OSBPL10: variants seen among roughly 807,000 people sequenced by gnomAD.
OSBPL10 encodes oxysterol-binding protein-related protein 10.
A neutral mutation model predicts 81.7 loss-of-function variants in OSBPL10; 49 were observed. The ratio of observed to expected loss-of-function variants is 0.60; its 90% CI spans 0.48 to 0.76. OSBPL10 has a LOEUF of 0.76. Among genes scored for constraint, OSBPL10 ranks in the 30% least tolerant of loss-of-function variants. OSBPL10 has a pLI of 0.00. For missense variants in OSBPL10, 923 were observed against 987.8 expected (o/e 0.93, Z 0.88); for synonymous variants, 419 against 383.6 (o/e 1.09, Z -1.08).
chr3:31,919,329 T>C (rs1288057061), intron 1 of OSBPL10: 2 of 152,216 alleles, frequency 1.3e-5, no homozygotes, highest in African/African-American at 4.8e-5. Context: ...CTATGACTTA[T>C]TTATTGCAAG....
chr3:31,748,051 G>C lies in OSBPL10; in HGVS notation c.799C>G (p.Pro267Ala), dbSNP rs755199647. Reference sequence around the variant, plus strand: ...AGGTCCTGGTCCAAGGCAGTGAGGGGGCCGGACCCTGGCAGGGACTCAATG... The same window carrying C: ...AGGTCCTGGTCCAAGGCAGTGAGGGCGCCGGACCCTGGCAGGGACTCAATG... ...HAIESLPGSG[P>A]LTALDQDLLL... is the part of the protein sequence containing the mutation. The change falls in exon 5 of 12, where the codon CCC becomes GCC. Residue 267 changes from proline (P) to alanine (A), a missense_variant. Coordinates refer to ENST00000396556, the MANE Select transcript of OSBPL10 (RefSeq NM_017784.5). The C allele has an allele frequency of 1.4e-5, 23 of 1,614,042 alleles. No individual in the cohort carries two copies. The highest frequency in any genetic ancestry group is 1.9e-5 in the Non-Finnish European group (23 of 1,180,034).
intron 6 of OSBPL10, among the ~76,000 whole-genome samples, chr3:31,705,693 G>A (rs1004213166): frequency 3.3e-5 from 5 of 152,120 alleles, no homozygotes; most frequent in Non-Finnish European, 5.9e-5. Flanking sequence ...TCAGGTCCCC[G>A]TGCTTATCCA....
At chr3:31,735,331 A>T (rs4563437) in intron 5 of OSBPL10, among the ~76,000 whole-genome samples, 63,016 of 151,746 alleles carry the variant, frequency 0.42, 13,414 homozygotes, top group East Asian at 0.64. Context: ...TTGCAGCTAC[A>T]TGAGAGGCTG....
At chr3:31,704,815 AG>A (rs1696008440) in intron 6 of OSBPL10, 2 of 152,262 alleles carry the variant, frequency 1.3e-5, no homozygotes, top group South Asian at 4.1e-4. Context: ...CACCTCCTCC[AG>A]CTGTCTGCCT....
chr3:31,756,273 C>CA (rs1170915817), intron 4 of OSBPL10, among the ~76,000 whole-genome samples: 1 of 152,080 alleles, frequency 6.6e-6, no homozygotes, highest in Admixed American at 6.6e-5. Context: ...ATTCTAGAAG[C>CA]AAAAAACTAT....
At chr3:32,052,560 C>T (rs986995159) in intron 1 of OSBPL10, among the ~76,000 whole-genome samples, 1 of 151,158 alleles carries the variant, frequency 6.6e-6, no homozygotes, top group South Asian at 2.1e-4. Context: ...AACCCAAATG[C>T]CCATCAAGAT....
In OSBPL10 at chr3:31,988,862, C is replaced by CA. The variant is rs757826616; in HGVS notation, n.298+57628dup. On this transcript the variant is annotated intron_variant and non_coding_transcript_variant, in intron 2 of 3. Coordinates refer to the OSBPL10 transcript ENST00000479173. ...TTGAGATGACTGCAGCCATGACCCA[C>CA]AGCTTGACTACAACCCAGAGAGACA... 4.1e-5 allele frequency: 25 copies of CA among 611,700 alleles called. No individual in the cohort carries two copies. In the South Asian group the frequency reaches 4.2e-4, roughly 10 times the overall value. The allele number at this position is 611,700 out of a possible 1,614,324, so 37.9% of individuals were successfully genotyped here.
chr3:32,005,107 C>T (rs887372277), intron 2 of OSBPL10, among the ~76,000 whole-genome samples: 2 of 151,996 alleles, frequency 1.3e-5, no homozygotes, highest in African/African-American at 2.4e-5. Flanking sequence ...ATGTGCAGAA[C>T]GTTCAGGTTT....
At position 31,894,558 on chromosome 3, in the gene OSBPL10, TTTG is replaced by T. The variant is rs1199965255; in HGVS notation, c.282-14731_282-14729del. Among the ~76,000 whole-genome samples the T allele has an allele frequency of 3.3e-5, 5 of 152,312 alleles. No homozygotes were observed. In the South Asian group the frequency reaches 6.2e-4, roughly 19 times the overall value. On this transcript the variant is annotated intron_variant, in intron 1 of 11. Transcript: ENST00000396556. Reference sequence around the variant, plus strand: ...TATTGTCAAGCAAATCCGTTTTTGTTTTGTTGTTGTTGATGCAGCAAGCCCAAG... The same window carrying T: ...TATTGTCAAGCAAATCCGTTTTTGTTTTGTTGTTGATGCAGCAAGCCCAAG...
At chr3:31,681,188 T>C (rs1298544785) in intron 8 of OSBPL10, among the ~76,000 whole-genome samples, 1 of 152,148 alleles carries the variant, frequency 6.6e-6, no homozygotes, top group Non-Finnish European at 1.5e-5. Context: ...TGATTGATCC[T>C]TGAGAGGAAG....
At chr3:31,782,561 G>A (rs1410401354) in intron 4 of OSBPL10, among the ~76,000 whole-genome samples, 1 of 152,144 alleles carries the variant, frequency 6.6e-6, no homozygotes, top group African/African-American at 2.4e-5. Context: ...GGACTAATAT[G>A]CAGAATGCAT....
intron 4 of OSBPL10, among the ~76,000 whole-genome samples, chr3:31,764,624 C>G (rs1425873181): frequency 2.0e-5 from 3 of 152,218 alleles, no homozygotes; most frequent in Admixed American, 2.0e-4. Context: ...TTTGTTGTTA[C>G]TACTTTCACT....
chr3:31,846,173 A>G (rs1189556968), intron 3 of OSBPL10, among the ~76,000 whole-genome samples: 1 of 152,014 alleles, frequency 6.6e-6, no homozygotes, highest in Non-Finnish European at 1.5e-5. Flanking sequence ...CCACCACACT[A>G]CGCTAATTTT....
At chr3:32,048,118 A>G (rs2342361) in intron 1 of OSBPL10, among the ~76,000 whole-genome samples, 101,067 of 151,914 alleles carry the variant, frequency 0.67, 36,125 homozygotes, top group South Asian at 0.84. Context: ...CTATGCTTCA[A>G]ATGCCTCTGA....
chr3:31,904,219 T>C (rs183303374), intron 1 of OSBPL10, among the ~76,000 whole-genome samples: 67 of 152,196 alleles, frequency 4.4e-4, no homozygotes, highest in African/African-American at 1.6e-3. Flanking sequence ...TTGATTACCT[T>C]TCCCACGCAT....
chr3:31,847,277 G>A (rs981100110), intron 3 of OSBPL10, among the ~76,000 whole-genome samples: 2 of 151,486 alleles, frequency 1.3e-5, no homozygotes, highest in Non-Finnish European at 2.9e-5. Flanking sequence ...GCTCACTGCA[G>A]CCTCGGTCTC....
intron 3 of OSBPL10, among the ~76,000 whole-genome samples, chr3:31,868,537 G>A (rs551346356): frequency 5.9e-5 from 9 of 152,186 alleles, no homozygotes; most frequent in African/African-American, 2.2e-4. Context: ...AACATCAAGG[G>A]AGAAGATACT....
chr3:32,005,395 C>T (rs1333094263), intron 2 of OSBPL10, among the ~76,000 whole-genome samples: 1 of 152,078 alleles, frequency 6.6e-6, no homozygotes, highest in African/African-American at 2.4e-5. Context: ...CCTACTACCA[C>T]ATTAATCTGG....
chr3:31,820,406 C>G (rs1482775050), intron 4 of OSBPL10, among the ~76,000 whole-genome samples: 1 of 151,932 alleles, frequency 6.6e-6, no homozygotes, highest in Non-Finnish European at 1.5e-5. Context: ...ATCAGCCTGG[C>G]CAATATGGTG....
Sources: gnomAD v4.1 joint callset for allele counts (sites outside exome capture counted in the v4.1 genomes callset) on GRCh38, gnomAD v4.1.1 for gene constraint, MANE v1.5 for transcripts, NCBI Gene and HGNC (gene_info 2026-07-23, HGNC 2026-07-21) for gene names.